Variants in FGR observed in about 807,000 individuals in gnomAD.
FGR encodes the protein tyrosine-protein kinase Fgr.
Under a neutral mutation model 63.2 loss-of-function variants are expected in FGR, and 26 were observed. That is an observed-to-expected ratio of 0.41 (90% CI 0.30 to 0.57). The LOEUF (loss-of-function observed/expected upper bound fraction) is 0.57, where lower values mean the gene tolerates loss of function less well. Among genes scored for constraint, FGR ranks in the 20% least tolerant of loss-of-function variants. FGR has a pLI of 0.27. For synonymous variants in FGR, 286 were observed against 277.7 expected (o/e 1.03, Z -0.30); for missense variants, 511 against 690.8 (o/e 0.74, Z 2.92).
chr1:27,622,923 T>C (rs2089957189), intron 4 of FGR, 119 bp downstream of exon 4: 8 of 702,816 alleles, frequency 1.1e-5, no homozygotes, highest in Non-Finnish European at 1.5e-5. Flanking sequence ...TTTTTATTGT[T>C]ATGTATATGT....
chr1:27,620,642 T>C (rs1162223503), intron 5 of FGR, among the ~76,000 whole-genome samples: 4 of 151,620 alleles, frequency 2.6e-5, no homozygotes, highest in Admixed American at 2.6e-4. Flanking sequence ...TATAACGGTG[T>C]TATTGTGAGA....
In FGR at chr1:27,616,866, G is replaced by A; in HGVS notation, c.673C>T (p.His225Tyr). ...QFNSVQELVQHYMEVNDGLCN... is the reference protein window; with the variant it reads ...QFNSVQELVQYYMEVNDGLCN... ...AGGCCCCTGCCCTCACCCATGTAGT[G>A]CTGCACCAGCTCCTGCACCGAGTTG... The change falls in exon 7 of 13, where the codon CAC (histidine) becomes TAC (tyrosine). Residue 225 changes from histidine to tyrosine, a missense_variant. Physicochemically the swap from His to Tyr is moderately conservative, Grantham distance 83 (BLOSUM62 2). Coordinates refer to ENST00000374005, the MANE Select transcript of FGR (RefSeq NM_005248.3). The surrounding 1 kb of genome is among the most constrained non-coding windows in gnomAD (Gnocchi z 4.3). The A allele has an allele frequency of 1.9e-6, 3 of 1,614,168 alleles. No individual in the cohort carries two copies. The highest frequency in any genetic ancestry group is 2.5e-6 in the Non-Finnish European group (3 of 1,180,026).
At position 27,623,117 on chromosome 1, in the gene FGR, A is replaced by T. The variant is rs2089960489; in HGVS notation, c.254T>A (p.Leu85Gln). 4 of 1,614,006 alleles carry T rather than the reference A, an allele frequency of 2.5e-6. No individual in the cohort carries two copies. The South Asian group carries it at 3.3e-5, about 13-fold the overall frequency. The change falls in exon 4 of 13, where the codon CTG (leucine) becomes CAG (glutamine). Residue 85 changes from leucine (L) to glutamine (Q), a missense_variant. Coordinates refer to ENST00000374005, the MANE Select transcript of FGR (RefSeq NM_005248.3). ...SGIGVTLFIALYDYEARTEDD... is the reference protein window; with the variant it reads ...SGIGVTLFIAQYDYEARTEDD... ...CTCAGTTCGAGCCTCATAGTCATAC[A>T]GGGCAATGAACAGGGTCACCCCAAT...
At chr1:27,618,803 C>T (rs946409948) in intron 5 of FGR, among the ~76,000 whole-genome samples, 9 of 152,194 alleles carry the variant, frequency 5.9e-5, no homozygotes, top group African/African-American at 1.9e-4. Context: ...ATTCTAAGTT[C>T]CATCTTGCCG....
In FGR at chr1:27,613,242, G is replaced by C. The variant is rs1200124502; in HGVS notation, c.1358C>G (p.Thr453Ser). ...ACCTGGGTAGGGGATTCGGCCCTTG[G>C]TGATGAGCTCAGTGAGCAGGATCCC... ...SFGILLTELI[T>S]KGRIPYPGMN... The change falls in exon 12 of 13, where the codon ACC becomes AGC. Residue 453 changes from threonine (T) to serine (S), a missense_variant. Transcript: ENST00000374005. 2 of 1,614,026 alleles carry C rather than the reference G, an allele frequency of 1.2e-6. No individual in the cohort carries two copies. The highest frequency in any genetic ancestry group is 1.3e-5 in the African/African-American group (1 of 74,926).
In FGR at chr1:27,623,196, G is replaced by C. The variant is rs780098285; in HGVS notation, c.227-52C>G. On this transcript the variant is annotated intron_variant, in intron 3 of 12. Coordinates refer to ENST00000374005, the MANE Select transcript of FGR (RefSeq NM_005248.3). ...GTAGGGCATGGGGCAGAAGCACCAA[G>C]GGGGCTGCACCCCAAATTCCTGTTC... 5 of 1,379,482 alleles carry C rather than the reference G, an allele frequency of 3.6e-6. No homozygotes were observed. In the East Asian group the frequency reaches 1.1e-4, roughly 32 times the overall value. 85.5% of individuals were successfully genotyped at this position (1,379,482 alleles called of 1,614,324 possible).
chr1:27,616,870 C>A lies in FGR; in HGVS notation c.669G>T (p.Val223=), dbSNP rs112532222. ...RVQFNSVQEL[V]QHYMEVNDGL... is the part of the protein sequence containing the mutation. ...CCCTGCCCTCACCCATGTAGTGCTG[C>A]ACCAGCTCCTGCACCGAGTTGAACT... Residue 223 remains valine (V), a synonymous_variant, in exon 7 of 13, where the codon GTG becomes GTT. Coordinates refer to ENST00000374005, the MANE Select transcript of FGR (RefSeq NM_005248.3). The surrounding 1 kb of genome is among the most constrained non-coding windows in gnomAD (Gnocchi z 4.3). 2.5e-6 allele frequency: 4 copies of A among 1,614,082 alleles called. No homozygotes were observed. In the African/African-American group the frequency reaches 5.3e-5, roughly 22 times the overall value.
At chr1:27,626,223 C>A (rs565714519) in intron 1 of FGR, 2 of 398,556 alleles carry the variant, frequency 5.0e-6, no homozygotes, top group Non-Finnish European at 8.8e-6. Context: ...AGAAACATTG[C>A]CATTGCAACA....
At position 27,623,684 on chromosome 1, in the gene FGR, G is replaced by C. The variant is rs1191684784; in HGVS notation, c.226+7C>G. The C allele has an allele frequency of 6.2e-7, 1 of 1,613,910 alleles. No individual in the cohort carries two copies. ...GGCAGCTCCTGCCTCCGACCCCTTG[G>C]ACTCACCTGACACACCCCTGATGGT... On this transcript the variant is annotated splice_region_variant and intron_variant, in intron 3 of 12. Coordinates refer to ENST00000374005, the MANE Select transcript of FGR (RefSeq NM_005248.3).
chr1:27,624,773 CTG>C (rs992706319), intron 2 of FGR, among the ~76,000 whole-genome samples: 1 of 151,872 alleles, frequency 6.6e-6, no homozygotes, highest in East Asian at 1.9e-4. Flanking sequence ...GCACCTATCT[CTG>C]TGTGGGAGCA....
In FGR at chr1:27,627,447, A is replaced by AACACACACACAC. The variant is rs3076985; in HGVS notation, c.-76-2308_-76-2297dup. 1.4e-3 allele frequency among the ~76,000 whole-genome samples: 205 copies of AACACACACACAC among 148,488 alleles called. 1 individual carries two copies. Among genetic ancestry groups the AACACACACACAC allele is most frequent in the African/African-American group, 4.8e-3 (194 of 40,478 alleles). ...CTGCACATAGATGTGCATGCACATG[A>AACACACACACAC]ACACACACACACACACACACACACA... On this transcript the variant is annotated intron_variant, in intron 1 of 12. Coordinates refer to ENST00000374005, the MANE Select transcript of FGR (RefSeq NM_005248.3).
intron 3 of FGR, 87 bp from the exon 4 acceptor site, chr1:27,623,231 G>T (rs1250502018): frequency 1.1e-6 from 1 of 931,774 alleles, no homozygotes; most frequent in Non-Finnish European, 1.7e-6. Context: ...CCCCAGCCAG[G>T]TGCTGCACCT....
chr1:27,626,007 AGG>A (rs1336649778), intron 1 of FGR: 1 of 398,994 alleles, frequency 2.5e-6, no homozygotes, highest in Non-Finnish European at 4.4e-6. Flanking sequence ...CAGCCACCCT[AGG>A]GTTCCATGTG....
chr1:27,614,571 T>C lies in FGR; in HGVS notation c.1108A>G (p.Met370Val). 1.9e-6 allele frequency: 3 copies of C among 1,613,998 alleles called. No individual in the cohort carries two copies. Among genetic ancestry groups the C allele is most frequent in the Non-Finnish European group, 2.5e-6 (3 of 1,179,908 alleles). Reference sequence around the variant, plus strand: ...TAGTTCATGCGTTCCATGTAGGCCATGCCCTCAGCTACCTGGGGGACCATA... The same window carrying C: ...TAGTTCATGCGTTCCATGTAGGCCACGCCCTCAGCTACCTGGGGGACCATA... ...VDMAAQVAEG[M>V]AYMERMNYIH... is the part of the protein sequence containing the mutation. Residue 370 changes from methionine (M) to valine (V), a missense_variant, in exon 11 of 13, where the codon ATG becomes GTG. Transcript: ENST00000374005.
chr1:27,627,071 G>A (rs1315505179), intron 1 of FGR, among the ~76,000 whole-genome samples: 2 of 152,124 alleles, frequency 1.3e-5, no homozygotes, highest in Admixed American at 6.5e-5. Context: ...TACTCGGGAG[G>A]CTGAGGTGGG....
Position 27,616,129 on chromosome 1 carries a change from A to G in FGR, c.683-285T>C, listed in dbSNP as rs1049656488. On this transcript the variant is annotated intron_variant, in intron 7 of 12. Transcript: ENST00000374005. The surrounding 1 kb of genome is among the most constrained non-coding windows in gnomAD (Gnocchi z 4.3). ...AGCCTCCAGCTGGGCCTTGAAGGAT[A>G]AGGTGGGATTCTCACAGGTGGAAAT... Among the ~76,000 whole-genome samples the G allele has an allele frequency of 7.9e-5, 12 of 152,156 alleles. No individual in the cohort carries two copies. Among genetic ancestry groups the G allele is most frequent in the African/African-American group, 2.9e-4 (12 of 41,434 alleles).
intron 5 of FGR, among the ~76,000 whole-genome samples, chr1:27,619,378 A>T (rs1452289328): frequency 6.6e-6 from 1 of 152,126 alleles, no homozygotes; most frequent in Admixed American, 6.5e-5. Flanking sequence ...TTTAGTAGAG[A>T]TAAGGTTTCA....
intron 1 of FGR, among the ~76,000 whole-genome samples, chr1:27,630,902 A>C (rs1051813521): frequency 2.0e-5 from 3 of 152,088 alleles, no homozygotes; most frequent in Admixed American, 6.5e-5. Flanking sequence ...CCCCAGCTCC[A>C]TTCTTCAGTA....
chr1:27,618,203 C>T (rs929873689), intron 5 of FGR, among the ~76,000 whole-genome samples: 9 of 152,064 alleles, frequency 5.9e-5, no homozygotes, highest in Middle Eastern at 3.4e-3. Flanking sequence ...AGGAGGGGGA[C>T]GGAGGAAGTG....
Sources: allele counts gnomAD v4.1 joint callset (sites outside exome capture counted in the v4.1 genomes callset), GRCh38; gene constraint gnomAD v4.1.1; non-coding constraint Gnocchi (gnomAD v3.1); transcripts MANE v1.5; gene names NCBI Gene and HGNC (gene_info 2026-07-23, HGNC 2026-07-21).